Variants in LYPD3 observed in about 807,000 individuals in gnomAD.
LYPD3 encodes the protein LY6/PLAUR domain containing 3.
In LYPD3, 22 loss-of-function variants were observed where a neutral mutation model predicts 21.7. The observed-to-expected ratio is 1.01, with a 90% confidence interval of 0.72 to 1.45. The LOEUF (loss-of-function observed/expected upper bound fraction) is 1.45. Ranked by LOEUF, LYPD3 falls within the 40% of genes most tolerant of loss-of-function variation. The pLI is 0.00. For missense variants in LYPD3, 471 were observed against 466.9 expected (o/e 1.01, Z -0.08); for synonymous variants, 179 against 203.0 (o/e 0.88, Z 1.00).
rs1379816680 is a variant in LYPD3, at chr19:43,463,186, A to G, written c.484T>C (p.Tyr162His). 6.2e-7 allele frequency: 1 copy of G among 1,611,752 alleles called. No individual in the cohort carries two copies. Among genetic ancestry groups the G allele is most frequent in the Middle Eastern group, 1.6e-4 (1 of 6,062 alleles). ...QGTSPPVVSC[Y>H]NASDHVYKGC... The stretch of plus-strand genomic sequence containing the variant: ...TTGTAGACATGATCGCTGGCGTTGT[A>G]GCAGCTCACGACCGGCGGCGATGTA... The change falls in exon 4 of 5, where the codon TAC becomes CAC. Residue 162 changes from tyrosine (Y) to histidine (H), a missense_variant. Physicochemically the swap from Tyr to His is moderately conservative, Grantham distance 83 (BLOSUM62 2). Coordinates refer to ENST00000244333, the MANE Select transcript of LYPD3 (RefSeq NM_014400.3).
intron 3 of LYPD3, 68 bp from the exon 4 acceptor site, chr19:43,463,355 C>A: frequency 1.3e-6 from 2 of 1,552,588 alleles, no homozygotes; most frequent in East Asian, 2.3e-5. Context: ...GTCCTCTAGC[C>A]CCGCCCCTAA....
Position 43,463,207 on chromosome 19 carries a change from A to G in LYPD3, c.463T>C (p.Ser155Pro). 6.2e-7 allele frequency: 1 copy of G among 1,610,268 alleles called. No individual in the cohort carries two copies. The highest frequency in any genetic ancestry group is 8.5e-7 in the Non-Finnish European group (1 of 1,179,984). The change falls in exon 4 of 5, where the codon TCG (serine) becomes CCG (proline). Residue 155 changes from serine to proline, a missense_variant. Coordinates refer to ENST00000244333, the MANE Select transcript of LYPD3 (RefSeq NM_014400.3). ...GLSREACQGTSPPVVSCYNAS... is the reference protein window; with the variant it reads ...GLSREACQGTPPPVVSCYNAS... Reference sequence around the variant, plus strand: ...TTGTAGCAGCTCACGACCGGCGGCGATGTACCCTGGCACGCCTCCCGGCTC... The same window carrying G: ...TTGTAGCAGCTCACGACCGGCGGCGGTGTACCCTGGCACGCCTCCCGGCTC...
chr19:43,463,391 C>T, intron 3 of LYPD3, 104 bp from the exon 4 acceptor site: 1 of 1,422,532 alleles, frequency 7.0e-7, no homozygotes, highest in Non-Finnish European at 9.6e-7. Flanking sequence ...CTATCGATGA[C>T]CCCGCCTACT....
At position 43,461,787 on chromosome 19, in the gene LYPD3, T is replaced by C. The variant is rs1452056806; in HGVS notation, c.605A>G (p.Asp202Gly). 1.2e-6 allele frequency: 2 copies of C among 1,613,998 alleles called. No individual in the cohort carries two copies. The highest frequency in any genetic ancestry group is 1.7e-5 in the Admixed American group (1 of 60,016). ...CGTGAACCCTGGGCCTGTTACTCCA[T>C]CCCGAGTGCAGAATTCATCCTGGAC... is the stretch of plus-strand genomic sequence containing the variant. ...GCVQDEFCTR[D>G]GVTGPGFTLS... The change falls in exon 5 of 5, where the codon GAT becomes GGT. Residue 202 changes from aspartate (D) to glycine (G), a missense_variant. Physicochemically the swap from Asp to Gly is moderately conservative, Grantham distance 94. Coordinates refer to ENST00000244333, the MANE Select transcript of LYPD3 (RefSeq NM_014400.3).
rs761806282 is a variant in LYPD3, at chr19:43,465,603, G to A, written c.-32C>T. ...GTCCTGCTCCCTTGGCGTCCCCCCT[G>A]GATGTGCCGCCTCCGAGCTCGGGCC... On this transcript the variant is annotated 5_prime_UTR_variant, in exon 1 of 5. Transcript: ENST00000244333. 6.2e-7 allele frequency: 1 copy of A among 1,600,214 alleles called. No individual in the cohort carries two copies. The highest frequency in any genetic ancestry group is 8.5e-7 in the Non-Finnish European group (1 of 1,174,978).
chr19:43,463,544 T>G (rs1234160744), intron 3 of LYPD3, 55 bp downstream of exon 3: 1 of 1,583,408 alleles, frequency 6.3e-7, no homozygotes, highest in Admixed American at 1.7e-5. Context: ...CACCTCTATC[T>G]TGGCAGGCCC....
At position 43,463,774 on chromosome 19, in the gene LYPD3, G is replaced by A. The variant is rs776410711; in HGVS notation, c.212-5C>T. ...CCAGCGAGAATTGTCCGTGGACTAG[G>A]GAGAGGGACAAGGGCGGGATTAGCT... On this transcript the variant is annotated splice_polypyrimidine_tract_variant and splice_region_variant and intron_variant, in intron 2 of 4. Transcript: ENST00000244333. 6 of 1,612,492 alleles carry A rather than the reference G, an allele frequency of 3.7e-6. No individual in the cohort carries two copies. The highest frequency in any genetic ancestry group is 3.3e-5 in the South Asian group (3 of 91,074).
At chr19:43,463,039 C>T in intron 4 of LYPD3, 87 bp downstream of exon 4, 12 of 1,467,322 alleles carry the variant, frequency 8.2e-6, no homozygotes, top group Non-Finnish European at 1.1e-5. Flanking sequence ...TAAGGAAACG[C>T]TTTGGGTAAA....
chr19:43,464,342 A>ACGGC lies in LYPD3; in HGVS notation c.190_193dup (p.Val65GlyfsTer28). On this transcript the variant is annotated frameshift_variant, in exon 2 of 5. Transcript: ENST00000244333. LOFTEE classifies it high-confidence loss of function. Reference sequence around the variant, plus strand: ...CCACTCACTGGTCTCCACCGCCCCCACGGCCTCGGTGCAGACGTCCACGCC... The same window carrying ACGGC: ...CCACTCACTGGTCTCCACCGCCCCCACGGCCGGCCTCGGTGCAGACGTCCACGCC... 6.2e-7 allele frequency: 1 copy of ACGGC among 1,611,320 alleles called. No individual in the cohort carries two copies. Among genetic ancestry groups the ACGGC allele is most frequent in the Non-Finnish European group, 8.5e-7 (1 of 1,179,074 alleles).
chr19:43,462,197 T>G (rs1189255160), intron 4 of LYPD3, among the ~76,000 whole-genome samples: 1 of 152,180 alleles, frequency 6.6e-6, no homozygotes, highest in Non-Finnish European at 1.5e-5. Context: ...AATGGAAATG[T>G]GTGTAGGCTG....
intron 1 of LYPD3, among the ~76,000 whole-genome samples, chr19:43,464,926 CTTT>C (rs768875729): frequency 0.026 from 2,525 of 97,248 alleles, 108 homozygotes; most frequent in African/African-American, 0.1. Context: ...TTCTTTTTTT[CTTT>C]TTTTCTTTTT....
At position 43,461,462 on chromosome 19, in the gene LYPD3, C is replaced by T. The variant is rs769472986; in HGVS notation, c.930G>A (p.Gly310=). ...GGGGCCCCCCTTTTGCAGGATACTG[C>T]CCTGAATTGCTGCGGTCCTGGTGGC... ...AAGHQDRSNS[G]QYPAKGGPQQ... is the part of the protein sequence containing the mutation. The change falls in exon 5 of 5, where the codon GGG becomes GGA. Residue 310 remains glycine, a synonymous_variant. Coordinates refer to ENST00000244333, the MANE Select transcript of LYPD3 (RefSeq NM_014400.3). 7 of 1,614,082 alleles carry T rather than the reference C, an allele frequency of 4.3e-6. No homozygotes were observed. The highest frequency in any genetic ancestry group is 5.9e-6 in the Non-Finnish European group (7 of 1,180,050).
At position 43,461,378 on chromosome 19, in the gene LYPD3, C is replaced by T; in HGVS notation, c.1014G>A (p.Leu338=). Residue 338 remains leucine (L), a synonymous_variant, in exon 5 of 5, where the codon TTG becomes TTA. Coordinates refer to ENST00000244333, the MANE Select transcript of LYPD3 (RefSeq NM_014400.3). Reference sequence around the variant, plus strand: ...ACAGTAGGACACCAGCAGCCACGGCCAACAGAAGGGCTGCCAATCCAGCTG... The same window carrying T: ...ACAGTAGGACACCAGCAGCCACGGCTAACAGAAGGGCTGCCAATCCAGCTG... ...APTAGLAALL[L]AVAAGVLL is the part of the protein sequence containing the mutation. 6.2e-7 allele frequency: 1 copy of T among 1,608,144 alleles called. No individual in the cohort carries two copies.
chr19:43,464,362 C>G lies in LYPD3; in HGVS notation c.174G>C (p.Val58=), dbSNP rs1384187049. ...KMKTVKCAPG[V]DVCTEAVGAV... The stretch of plus-strand genomic sequence containing the variant: ...CCCCCACGGCCTCGGTGCAGACGTC[C>G]ACGCCCGGCGCGCACTTCACTGTCT... The change falls in exon 2 of 5, where the codon GTG becomes GTC. Residue 58 remains valine, a synonymous_variant. Coordinates refer to ENST00000244333, the MANE Select transcript of LYPD3 (RefSeq NM_014400.3). 1 of 1,613,586 alleles carries G rather than the reference C, an allele frequency of 6.2e-7. No homozygotes were observed. Among genetic ancestry groups the G allele is most frequent in the Non-Finnish European group, 8.5e-7 (1 of 1,179,830 alleles).
Position 43,464,344 on chromosome 19 carries a change from G to T in LYPD3, c.192C>A (p.Ala64=). Reference sequence around the variant, plus strand: ...ACTCACTGGTCTCCACCGCCCCCACGGCCTCGGTGCAGACGTCCACGCCCG... The same window carrying T: ...ACTCACTGGTCTCCACCGCCCCCACTGCCTCGGTGCAGACGTCCACGCCCG... ...CAPGVDVCTE[A]VGAVETIHGQ... The change falls in exon 2 of 5, where the codon GCC becomes GCA. Residue 64 remains alanine, a synonymous_variant. Coordinates refer to ENST00000244333, the MANE Select transcript of LYPD3 (RefSeq NM_014400.3). The T allele has an allele frequency of 6.2e-6, 10 of 1,611,738 alleles. No homozygotes were observed. The highest frequency in any genetic ancestry group is 8.5e-6 in the Non-Finnish European group (10 of 1,179,198).
intron 2 of LYPD3, 65 bp from the exon 3 acceptor site, chr19:43,463,834 T>G (rs1970798112): frequency 6.5e-7 from 1 of 1,533,222 alleles, no homozygotes; most frequent in South Asian, 1.1e-5. Context: ...TGGCCCAGAG[T>G]TGGGTAGGGT....
At chr19:43,463,455 C>A (rs1402626881) in intron 3 of LYPD3, 144 bp downstream of exon 3, 1 of 1,379,272 alleles carries the variant, frequency 7.3e-7, no homozygotes, top group East Asian at 2.5e-5. Flanking sequence ...GAAAGTCCCT[C>A]CTGCTGCCTC....
chr19:43,463,473 C>T, intron 3 of LYPD3, 126 bp downstream of exon 3: 1 of 1,393,616 alleles, frequency 7.2e-7, no homozygotes, highest in Non-Finnish European at 9.8e-7. Context: ...CTCTTGGCCC[C>T]GCCCCAGAGT....
At position 43,461,767 on chromosome 19, in the gene LYPD3, A is replaced by G. The variant is rs780800401; in HGVS notation, c.625T>C (p.Phe209Leu). Residue 209 changes from phenylalanine (F) to leucine (L), a missense_variant, in exon 5 of 5, where the codon TTC becomes CTC. Physicochemically the swap from Phe to Leu is conservative, Grantham distance 22. Transcript: ENST00000244333. ...CTRDGVTGPG[F>L]TLSGSCCQGS... ...TGGCAACAGGAGCCACTGAGCGTGAACCCTGGGCCTGTTACTCCATCCCGA... is the reference window on the plus strand; with the variant it reads ...TGGCAACAGGAGCCACTGAGCGTGAGCCCTGGGCCTGTTACTCCATCCCGA... The G allele has an allele frequency of 1.9e-6, 3 of 1,613,860 alleles. No individual in the cohort carries two copies. The South Asian group carries it at 3.3e-5, about 18-fold the overall frequency.
Sources: allele counts gnomAD v4.1 joint callset (sites outside exome capture counted in the v4.1 genomes callset), GRCh38; gene constraint gnomAD v4.1.1; transcripts MANE v1.5; gene names NCBI Gene and HGNC (gene_info 2026-07-23, HGNC 2026-07-21).